The following NDST2 variants were observed in gnomAD, a reference collection of about 807,000 sequenced individuals.
The protein encoded by NDST2 is N-deacetylase and N-sulfotransferase 2.
Under a neutral mutation model 86.9 loss-of-function variants are expected in NDST2, and 32 were observed. The observed-to-expected ratio is 0.37, with a 90% CI of 0.28 to 0.49. The LOEUF is 0.49. Among genes scored for constraint, NDST2 ranks in the 20% least tolerant of loss-of-function variants. The probability of loss-of-function intolerance (pLI) is 0.97; values close to 1 mark genes in which losing one functional copy is unlikely to be tolerated. For missense variants in NDST2, 950 were observed against 1,146.9 expected, an observed-to-expected ratio of 0.83 and a Z score of 2.48; for synonymous variants, 409 against 437.0, an observed-to-expected ratio of 0.94 and a Z score of 0.80.
Position 73,802,406 on chromosome 10 carries a change from C to G in NDST2, c.*45G>C, listed in dbSNP as rs2084001225. Reference sequence around the variant, plus strand: ...TGTGGGCCCTGCTCTGGACCTGCCCCTTAGGGAAGCAGGGGGCATTTTGCT... The same window carrying G: ...TGTGGGCCCTGCTCTGGACCTGCCCGTTAGGGAAGCAGGGGGCATTTTGCT... On this transcript the variant is annotated 3_prime_UTR_variant, in exon 15 of 15. Coordinates refer to ENST00000309979, the MANE Select transcript of NDST2 (RefSeq NM_003635.4). 5 of 1,610,438 alleles carry G rather than the reference C, an allele frequency of 3.1e-6. No individual in the cohort carries two copies. The highest frequency in any genetic ancestry group is 1.7e-5 in the Admixed American group (1 of 59,940).
rs745584061 is a variant in NDST2, at chr10:73,808,391, C to CG, written c.-4dup. 1.3e-6 allele frequency: 2 copies of CG among 1,582,914 alleles called. No individual in the cohort carries two copies. Among genetic ancestry groups the CG allele is most frequent in the East Asian group, 2.3e-5 (1 of 43,612 alleles). On this transcript the variant is annotated 5_prime_UTR_variant, in exon 3 of 15. Transcript: ENST00000309979. The surrounding 1 kb of genome is among the most constrained non-coding windows in gnomAD (Gnocchi z 4.3). ...ACCACCTTCCACAACTGGAGCATGG[C>CG]GGGGGGAGGAAGGGAGGGAGGAATG...
At chr10:73,809,829 C>G (rs2084165379) in intron 2 of NDST2, among the ~76,000 whole-genome samples, 1 of 152,166 alleles carries the variant, frequency 6.6e-6, no homozygotes, top group East Asian at 1.9e-4. Context: ...AACTCCTGGG[C>G]TCAAGTGATC....
rs2084170273 is a variant in NDST2 at position 73,810,101 on chromosome 10, C to G, written c.-342+698G>C. On this transcript the variant is annotated intron_variant, in intron 2 of 14. Transcript: ENST00000309979. ...GCAATCCCTCTCTACCACCCACCCC[C>G]AAACACACATCTCAGGGGTGATAAG... Among the ~76,000 whole-genome samples the G allele has an allele frequency of 1.3e-5, 2 of 152,280 alleles. 1 individual carries two copies. Among genetic ancestry groups the G allele is most frequent in the Middle Eastern group, 6.8e-3 (2 of 294 alleles).
Position 73,806,245 on chromosome 10 carries a change from TA to T in NDST2, c.1434+43del, listed in dbSNP as rs573209536. On this transcript the variant is annotated intron_variant, in intron 6 of 14. Coordinates refer to ENST00000309979, the MANE Select transcript of NDST2 (RefSeq NM_003635.4). This position sits in a 1 kb window ranked among gnomAD's most constrained non-coding sequence, Gnocchi z 4.5. Reference sequence around the variant, plus strand: ...AGGTCAATGCATGTTGAAAGCTGTCTAAATGTTAGAGTTTGATTCAAGCCTG... The same window carrying T: ...AGGTCAATGCATGTTGAAAGCTGTCTAATGTTAGAGTTTGATTCAAGCCTG... 2.4e-5 allele frequency: 39 copies of T among 1,608,932 alleles called. No homozygotes were observed. The highest frequency in any genetic ancestry group is 3.2e-5 in the Non-Finnish European group (38 of 1,176,698).
Position 73,808,385 on chromosome 10 carries a change from G to C in NDST2, c.4C>G (p.Leu2Val), listed in dbSNP as rs1308752542. The change falls in exon 3 of 15, where the codon CTC becomes GTC. Residue 2 changes from leucine (L) to valine (V), a missense_variant. Around this residue, in one of 5 missense-constraint regions of NDST2, gnomAD observed 38 missense variants for 42.5 expected, o/e 0.89. Transcript: ENST00000309979. This position sits in a 1 kb window ranked among gnomAD's most constrained non-coding sequence, Gnocchi z 4.3. ...GGGCGTACCACCTTCCACAACTGGA[G>C]CATGGCGGGGGGAGGAAGGGAGGGA... M[L>V]QLWKVVRPAR... 1.9e-6 allele frequency: 3 copies of C among 1,589,758 alleles called. No individual in the cohort carries two copies. The highest frequency in any genetic ancestry group is 2.6e-6 in the Non-Finnish European group (3 of 1,166,908).
intron 10 of NDST2, 50 bp downstream of exon 10, chr10:73,803,843 G>C (rs774182852): frequency 6.2e-7 from 1 of 1,614,022 alleles, no homozygotes; most frequent in Non-Finnish European, 8.5e-7. Flanking sequence ...GGGTATTTTG[G>C]GGGAAGGGAG....
Position 73,805,706 on chromosome 10 carries a change from C to CA in NDST2, c.1626dup (p.Glu543Ter). 6.2e-7 allele frequency: 1 copy of CA among 1,614,208 alleles called. No individual in the cohort carries two copies. Among genetic ancestry groups the CA allele is most frequent in the Non-Finnish European group, 8.5e-7 (1 of 1,180,030 alleles). ...CACTGGAGGAAGCGCACCAAGCTCTCAAAGGTGTATAGGCCCAGCCGGTCA... is the reference window on the plus strand; with the variant it reads ...CACTGGAGGAAGCGCACCAAGCTCTCAAAAGGTGTATAGGCCCAGCCGGTCA... On this transcript the variant is annotated frameshift_variant, in exon 8 of 15. Transcript: ENST00000309979. LOFTEE classifies it high-confidence loss of function.
chr10:73,811,378 A>AC (rs2084254804), intron 1 of NDST2, 96 bp downstream of exon 1: 1 of 151,298 alleles, frequency 6.6e-6, no homozygotes, highest in Non-Finnish European at 1.5e-5. Context: ...GCCCGGGACG[A>AC]CCCTGCGGGT....
chr10:73,806,566 C>T lies in NDST2; in HGVS notation c.1248+91G>A, dbSNP rs2132869805. On this transcript the variant is annotated intron_variant, in intron 5 of 14. Coordinates refer to ENST00000309979, the MANE Select transcript of NDST2 (RefSeq NM_003635.4). The surrounding 1 kb of genome is among the most constrained non-coding windows in gnomAD (Gnocchi z 4.5). ...GGAAGCCTCCAAATAAAGAAAAACG[C>T]AAAGGATAGGAAAAGGGTAGCCCAT... The T allele has an allele frequency of 2.6e-6, 4 of 1,564,282 alleles. No individual in the cohort carries two copies. Among genetic ancestry groups the T allele is most frequent in the Non-Finnish European group, 3.5e-6 (4 of 1,150,798 alleles).
At chr10:73,803,517 T>TGGGGGGGGGGGGCG in intron 11 of NDST2, 57 bp downstream of exon 11, 5 of 1,189,270 alleles carry the variant, frequency 4.2e-6, no homozygotes, top group Non-Finnish European at 5.0e-6. Flanking sequence ...TAGCAGTCAC[T>TGGGGGGGGGGGGCG]GTCCCCTCCC....
At chr10:73,810,165 A>C (rs1163068348) in intron 2 of NDST2, among the ~76,000 whole-genome samples, 1 of 152,194 alleles carries the variant, frequency 6.6e-6, no homozygotes, top group Admixed American at 6.5e-5. Context: ...GAGATGATTT[A>C]AAAACAGTTC....
chr10:73,801,928 T>A lies in NDST2; in HGVS notation c.*523A>T. On this transcript the variant is annotated 3_prime_UTR_variant, in exon 15 of 15. Transcript: ENST00000309979. The surrounding 1 kb of genome is among the most constrained non-coding windows in gnomAD (Gnocchi z 4.9). ...GGCAGACAAAACAGAAAAATAAGGA[T>A]GTTTATTAAGGACATTTCTAGCCCA... The A allele has an allele frequency of 4.5e-6, 2 of 441,390 alleles. No homozygotes were observed. The highest frequency in any genetic ancestry group is 3.9e-6 in the Non-Finnish European group (1 of 256,354). The allele number at this position is 441,390 out of a possible 1,614,324, so 27.3% of individuals were successfully genotyped here.
At chr10:73,810,927 G>C in intron 1 of NDST2, 24 bp from the exon 2 acceptor site, 1 of 399,098 alleles carries the variant, frequency 2.5e-6, no homozygotes, top group Non-Finnish European at 4.4e-6. Context: ...CAAGGTTTAG[G>C]GAAGGGGCGC....
rs749273311 is a variant in NDST2, at chr10:73,802,535, C to CA, written c.2567dup (p.Leu856PhefsTer44). 1.9e-6 allele frequency: 3 copies of CA among 1,614,032 alleles called. No individual in the cohort carries two copies. The African/African-American group carries it at 4.0e-5, about 22-fold the overall frequency. ...GCCGGCTCAGCAGCTTCGACAACTC[C>CA]AAATTATGGTTCCGGAAAAAATCCG... is the stretch of plus-strand genomic sequence containing the variant. On this transcript the variant is annotated frameshift_variant, in exon 15 of 15. Transcript: ENST00000309979. LOFTEE classifies it high-confidence loss of function.
chr10:73,808,393 G>C lies in NDST2; in HGVS notation c.-5C>G, dbSNP rs761348337. On this transcript the variant is annotated 5_prime_UTR_variant, in exon 3 of 15. Transcript: ENST00000309979. This position sits in a 1 kb window ranked among gnomAD's most constrained non-coding sequence, Gnocchi z 4.3. ...CACCTTCCACAACTGGAGCATGGCG[G>C]GGGGAGGAAGGGAGGGAGGAATGGG... The C allele has an allele frequency of 1.0e-5, 16 of 1,581,894 alleles. No individual in the cohort carries two copies. The highest frequency in any genetic ancestry group is 7.1e-5 in the Admixed American group (4 of 56,406).
chr10:73,808,148 C>A lies in NDST2; in HGVS notation c.241G>T (p.Ala81Ser). Residue 81 changes from alanine to serine, a missense_variant, in exon 3 of 15, where the codon GCT becomes TCT. By Grantham distance (99) the Ala-to-Ser change is moderately conservative (BLOSUM62 1). Around this residue, in one of 5 missense-constraint regions of NDST2, gnomAD observed 586 missense variants for 714.0 expected, o/e 0.82. Coordinates refer to ENST00000309979, the MANE Select transcript of NDST2 (RefSeq NM_003635.4). The surrounding 1 kb of genome is among the most constrained non-coding windows in gnomAD (Gnocchi z 4.3). Reference protein sequence around the residue: ...PPRPPRPPETARTEPVVLVFV... With the variant: ...PPRPPRPPETSRTEPVVLVFV... The stretch of plus-strand genomic sequence containing the variant: ...ACAAGGACCACGGGTTCAGTTCGAG[C>A]TGTCTCTGGAGGCCTGGGGGGCCGA... 6.2e-7 allele frequency: 1 copy of A among 1,614,238 alleles called. No individual in the cohort carries two copies. Among genetic ancestry groups the A allele is most frequent in the South Asian group, 1.1e-5 (1 of 91,088 alleles).
rs765000143 is a variant in NDST2, at chr10:73,807,093, G to A, written c.1093+15C>T. On this transcript the variant is annotated intron_variant, in intron 4 of 14. Coordinates refer to ENST00000309979, the MANE Select transcript of NDST2 (RefSeq NM_003635.4). ...CAAACTATGATATGCCAAAGGAGTAGGGGTATAAGCTCACCAGTATGATAG... is the reference window on the plus strand; with the variant it reads ...CAAACTATGATATGCCAAAGGAGTAAGGGTATAAGCTCACCAGTATGATAG... 4 of 1,608,526 alleles carry A rather than the reference G, an allele frequency of 2.5e-6. No individual in the cohort carries two copies. The highest frequency in any genetic ancestry group is 3.4e-6 in the Non-Finnish European group (4 of 1,175,100).
rs1054607984 is a variant in NDST2 at position 73,806,069 on chromosome 10, A to G, written c.1435-41T>C. ...AAAACAGATGAGATTTGAAAGATAG[A>G]ATGAGAAGTAGATGGAGGACACTGG... On this transcript the variant is annotated intron_variant, in intron 6 of 14. Transcript: ENST00000309979. This position sits in a 1 kb window ranked among gnomAD's most constrained non-coding sequence, Gnocchi z 4.5. 6.2e-7 allele frequency: 1 copy of G among 1,608,556 alleles called. No individual in the cohort carries two copies. The highest frequency in any genetic ancestry group is 8.5e-7 in the Non-Finnish European group (1 of 1,177,484).
Position 73,801,922 on chromosome 10 carries a change from T to A in NDST2, c.*529A>T. On this transcript the variant is annotated 3_prime_UTR_variant, in exon 15 of 15. Transcript: ENST00000309979. This position sits in a 1 kb window ranked among gnomAD's most constrained non-coding sequence, Gnocchi z 4.9. ...CAGGGAGGCAGACAAAACAGAAAAA[T>A]AAGGATGTTTATTAAGGACATTTCT... The A allele has an allele frequency of 4.5e-6, 2 of 448,768 alleles. No homozygotes were observed. The highest frequency in any genetic ancestry group is 7.6e-6 in the Non-Finnish European group (2 of 263,100). The allele number at this position is 448,768 out of a possible 1,614,324, so 27.8% of individuals were successfully genotyped here. A position where few individuals can be genotyped will look rare whatever the true frequency, so the allele number is the denominator to read the frequency against.
Sources: gnomAD v4.1 joint callset for allele counts (sites outside exome capture counted in the v4.1 genomes callset) on GRCh38, gnomAD v4.1.1 for gene constraint, gnomAD v4.1.1 regional missense constraint, Gnocchi (gnomAD v3.1) non-coding constraint, MANE v1.5 for transcripts, NCBI Gene and HGNC (gene_info 2026-07-23, HGNC 2026-07-21) for gene names.